Variants in IGSF11 observed in about 807,000 individuals in gnomAD.
The protein encoded by IGSF11 is CXADR like 1.
A neutral mutation model predicts 41.0 loss-of-function variants in IGSF11; 22 were observed. That is an observed-to-expected ratio of 0.54 (90% CI 0.38 to 0.77). IGSF11 has a LOEUF of 0.77. Ranked by LOEUF, IGSF11 falls within the 30% of genes least tolerant of loss-of-function variation. The pLI, the probability that IGSF11 is intolerant of heterozygous loss-of-function variation, is 0.00. For synonymous variants in IGSF11, 219 were observed against 201.3 expected (o/e 1.09, Z -0.74); for missense variants, 444 against 530.8 (o/e 0.84, Z 1.61).
intron 1 of IGSF11, among the ~76,000 whole-genome samples, chr3:119,111,182 G>C (rs1316635235): frequency 6.6e-6 from 1 of 152,210 alleles, no homozygotes; most frequent in Non-Finnish European, 1.5e-5. Context: ...ATCCTGCAGA[G>C]TGTTTTCCAA....
At position 119,004,822 on chromosome 3, in the gene IGSF11, G is replaced by A. The variant is rs555413334; in HGVS notation, c.52+29709C>T. 2.6e-5 allele frequency among the ~76,000 whole-genome samples: 4 copies of A among 152,118 alleles called. No homozygotes were observed. The South Asian group carries it at 6.2e-4, about 24-fold the overall frequency. ...TTCTAGTTTGATTGCACTGTGGTCTGAGAGATAGTTTGTTATAATTTCTGT... is the reference window on the plus strand; with the variant it reads ...TTCTAGTTTGATTGCACTGTGGTCTAAGAGATAGTTTGTTATAATTTCTGT... On this transcript the variant is annotated intron_variant, in intron 1 of 6. Coordinates refer to ENST00000393775, the MANE Select transcript of IGSF11 (RefSeq NM_001015887.3).
chr3:118,920,299 T>C (rs866237646), intron 4 of IGSF11, among the ~76,000 whole-genome samples: 8 of 150,232 alleles, frequency 5.3e-5, no homozygotes, highest in Admixed American at 1.3e-4. Flanking sequence ...TACAAGATGA[T>C]TTAAATAAAA....
rs1044532355 is a variant in IGSF11 at position 119,139,144 on chromosome 3, C to G, written c.-14+6669G>C. ...TCATTTAACCCATAGATATATACAC[C>G]TACTATATAACCAAAAAATATATAT... On this transcript the variant is annotated intron_variant, in intron 1 of 7. Coordinates refer to the IGSF11 transcript ENST00000425327. 9.9e-5 allele frequency among the ~76,000 whole-genome samples: 15 copies of G among 151,958 alleles called. No homozygotes were observed. The East Asian group carries it at 2.9e-3, about 29-fold the overall frequency.
intron 1 of IGSF11, among the ~76,000 whole-genome samples, chr3:118,933,041 C>T (rs570594743): frequency 1.5e-4 from 23 of 152,316 alleles, no homozygotes; most frequent in South Asian, 4.1e-4. Context: ...GGCAACAGGA[C>T]GGTTGGCACA....
At chr3:119,122,828 A>G (rs1421094927) in intron 1 of IGSF11, among the ~76,000 whole-genome samples, 1 of 152,188 alleles carries the variant, frequency 6.6e-6, no homozygotes, top group Non-Finnish European at 1.5e-5. Context: ...TTGGGAACTG[A>G]ATAACCAGCA....
intron 1 of IGSF11, among the ~76,000 whole-genome samples, chr3:118,976,585 T>C (rs1234870628): frequency 6.6e-6 from 1 of 152,184 alleles, no homozygotes; most frequent in Non-Finnish European, 1.5e-5. Flanking sequence ...AGAACAAAAC[T>C]CCTGCTACCA....
chr3:119,057,414 A>T (rs977494531), intron 1 of IGSF11, among the ~76,000 whole-genome samples: 3 of 152,122 alleles, frequency 2.0e-5, no homozygotes, highest in Admixed American at 1.3e-4. Context: ...CCAACTTACA[A>T]GGGATGTGAA....
intron 4 of IGSF11, among the ~76,000 whole-genome samples, chr3:118,916,911 C>T (rs1216186610): frequency 2.0e-5 from 3 of 152,010 alleles, no homozygotes; most frequent in African/African-American, 7.3e-5. Flanking sequence ...AACTGTCTCT[C>T]AGACCACAGT....
At chr3:119,093,319 G>A (rs1411345779) in intron 1 of IGSF11, among the ~76,000 whole-genome samples, 1 of 151,980 alleles carries the variant, frequency 6.6e-6, no homozygotes, top group African/African-American at 2.4e-5. Context: ...TCATATCAAT[G>A]GAATGAGCTC....
chr3:119,108,021 T>G (rs1362410258), upstream of IGSF11, among the ~76,000 whole-genome samples: 1 of 151,648 alleles, frequency 6.6e-6, no homozygotes, highest in Admixed American at 6.6e-5. Context: ...TCAGGTAGTG[T>G]GATGCCTCCA....
At chr3:118,946,796 G>T (rs1025359525) in intron 1 of IGSF11, among the ~76,000 whole-genome samples, 4 of 152,132 alleles carry the variant, frequency 2.6e-5, no homozygotes, top group African/African-American at 9.7e-5. Flanking sequence ...CTTTATTTTG[G>T]CTTAACGTTT....
upstream of IGSF11, among the ~76,000 whole-genome samples, chr3:119,038,793 G>A (rs1941006693): frequency 6.6e-6 from 1 of 152,124 alleles, no homozygotes; most frequent in South Asian, 2.1e-4. Context: ...TGGGGTATAG[G>A]AAGTTACCTC....
intron 1 of IGSF11, among the ~76,000 whole-genome samples, chr3:119,141,040 A>AT (rs1291572101): frequency 7.6e-5 from 3 of 39,538 alleles, no homozygotes; most frequent in African/African-American, 2.4e-4. Context: ...ACTCTGTCTC[A>AT]TTAAAAAAAA....
rs147376249 is a variant in IGSF11 at position 118,964,660 on chromosome 3, A to G, written c.53-34385T>C. On this transcript the variant is annotated intron_variant, in intron 1 of 6. Coordinates refer to ENST00000393775, the MANE Select transcript of IGSF11 (RefSeq NM_001015887.3). ...AATGAAAATTGTTTTAAATTCAAGT[A>G]AGATCACTTCTAAAGTACTTAATTC... Among the ~76,000 whole-genome samples, 56 of 152,296 alleles carry G rather than the reference A, an allele frequency of 3.7e-4. 1 individual carries two copies. Among genetic ancestry groups the G allele is most frequent in the African/African-American group, 1.3e-3 (54 of 41,572 alleles).
At chr3:119,048,210 C>T (rs897251777) in intron 1 of IGSF11, among the ~76,000 whole-genome samples, 1 of 152,086 alleles carries the variant, frequency 6.6e-6, no homozygotes. Flanking sequence ...AATCCAGGAG[C>T]TGGTTTTTTG....
chr3:118,916,363 T>C (rs901058625), intron 4 of IGSF11, among the ~76,000 whole-genome samples: 16 of 152,014 alleles, frequency 1.1e-4, no homozygotes, highest in Non-Finnish European at 2.1e-4. Context: ...AGGAAACCCA[T>C]CTCACGTGCA....
At chr3:119,007,211 G>A (rs936997293) in intron 1 of IGSF11, among the ~76,000 whole-genome samples, 17 of 146,048 alleles carry the variant, frequency 1.2e-4, no homozygotes, top group Non-Finnish European at 1.9e-4. Context: ...TATTCGGGTG[G>A]GAGTGACCCG....
At chr3:119,036,789 CTCTT>C (rs1369245921), upstream of IGSF11, among the ~76,000 whole-genome samples, 1 of 152,114 alleles carries the variant, frequency 6.6e-6, no homozygotes, top group African/African-American at 2.4e-5. Flanking sequence ...AGAGTTCTGC[CTCTT>C]TGTCACCTAA....
chr3:119,099,961 G>A (rs1417492567), intron 1 of IGSF11, among the ~76,000 whole-genome samples: 1 of 151,592 alleles, frequency 6.6e-6, no homozygotes, highest in African/African-American at 2.4e-5. Context: ...TAATGGGCAG[G>A]CAGAGTGTAC....
Sources: allele counts gnomAD v4.1 joint callset (sites outside exome capture counted in the v4.1 genomes callset), GRCh38; gene constraint gnomAD v4.1.1; transcripts MANE v1.5; gene names NCBI Gene and HGNC (gene_info 2026-07-23, HGNC 2026-07-21).